The following CSMD3 variants were observed in gnomAD, a reference collection of about 807,000 sequenced individuals.
CSMD3 encodes the protein CUB and Sushi multiple domains 3.
A neutral mutation model predicts 435.2 loss-of-function variants in CSMD3; 177 were observed. That is an observed-to-expected ratio of 0.41 (90% confidence interval 0.36 to 0.46). CSMD3 has a LOEUF of 0.46. Ranked by LOEUF, CSMD3 falls within the 20% of genes least tolerant of loss-of-function variation. The pLI is 0.34. For missense variants in CSMD3, 4,265 were observed against 4,504.6 expected, an observed-to-expected ratio of 0.95 and a Z score of 1.52; for synonymous variants, 1,656 against 1,520.5, an observed-to-expected ratio of 1.09 and a Z score of -2.07.
chr8:112,315,943 T>C (rs1207975527), intron 47 of CSMD3, among the ~76,000 whole-genome samples: 2 of 151,786 alleles, frequency 1.3e-5, no homozygotes, highest in East Asian at 3.9e-4. Context: ...TGGAATATAA[T>C]AAATAGATGA....
intron 5 of CSMD3, among the ~76,000 whole-genome samples, chr8:113,075,193 C>T (rs554668560): frequency 1.3e-5 from 2 of 151,558 alleles, no homozygotes; most frequent in African/African-American, 2.4e-5. Flanking sequence ...ATAGAAATCT[C>T]GTATTAAAAA....
chr8:113,260,939 G>GT (rs1200724389), intron 3 of CSMD3, among the ~76,000 whole-genome samples: 1 of 152,130 alleles, frequency 6.6e-6, no homozygotes, highest in Admixed American at 6.6e-5. Flanking sequence ...ATTCCATGGT[G>GT]TATATGTGCC....
intron 10 of CSMD3, among the ~76,000 whole-genome samples, chr8:112,860,391 A>T (rs1288967153): frequency 6.6e-6 from 1 of 151,792 alleles, no homozygotes; most frequent in Non-Finnish European, 1.5e-5. Context: ...AACCAATAAA[A>T]TCATATTATT....
At chr8:112,312,347 C>T (rs1041582969) in intron 49 of CSMD3, among the ~76,000 whole-genome samples, 3 of 152,020 alleles carry the variant, frequency 2.0e-5, no homozygotes, top group Admixed American at 1.3e-4. Context: ...GCCCACCTCC[C>T]GGGTTCAAGT....
At chr8:112,971,202 T>C (rs529203145) in intron 7 of CSMD3, among the ~76,000 whole-genome samples, 6 of 152,328 alleles carry the variant, frequency 3.9e-5, no homozygotes, top group South Asian at 2.1e-4. Flanking sequence ...CTCTATGGCA[T>C]TGATTGTATT....
At chr8:112,958,706 T>C (rs2130853449) in intron 7 of CSMD3, among the ~76,000 whole-genome samples, 1 of 152,354 alleles carries the variant, frequency 6.6e-6, no homozygotes, top group African/African-American at 2.4e-5. Context: ...ATTAACCATA[T>C]ATTCACGCAT....
At chr8:112,757,091 T>C (rs2077719040) in intron 13 of CSMD3, among the ~76,000 whole-genome samples, 1 of 151,994 alleles carries the variant, frequency 6.6e-6, no homozygotes. Context: ...TTTGAGTTAC[T>C]TTTTGGAAAT....
intron 1 of CSMD3, among the ~76,000 whole-genome samples, chr8:113,400,113 C>A (rs530417617): frequency 6.6e-6 from 1 of 151,834 alleles, no homozygotes; most frequent in East Asian, 1.9e-4. Context: ...TATTAACTTT[C>A]CAGATTTAAA....
chr8:113,328,969 T>C (rs1054275877), intron 1 of CSMD3, among the ~76,000 whole-genome samples: 49 of 151,548 alleles, frequency 3.2e-4, no homozygotes, highest in African/African-American at 1.2e-3. Flanking sequence ...CTCAAATTCC[T>C]GGACTCAACT....
chr8:112,437,259 C>T (rs1332335612), intron 32 of CSMD3, among the ~76,000 whole-genome samples: 2 of 151,886 alleles, frequency 1.3e-5, no homozygotes, highest in Non-Finnish European at 2.9e-5. Context: ...CCAACATGTT[C>T]CACATGTTTC....
At position 112,595,745 on chromosome 8, in the gene CSMD3, A is replaced by T. The variant is rs1313476090; in HGVS notation, c.3716-8510T>A. On this transcript the variant is annotated intron_variant, in intron 22 of 70. Coordinates refer to ENST00000297405, the MANE Select transcript of CSMD3 (RefSeq NM_198123.2). ...TAAAGACAAGAATTTTCAACCCAGA[A>T]TTTCATATCCAGCCAAACTAAGCTT... Among the ~76,000 whole-genome samples the T allele has an allele frequency of 2.1e-5, 2 of 94,254 alleles. 1 individual carries two copies. Among genetic ancestry groups the T allele is most frequent in the East Asian group, 5.2e-4 (2 of 3,860 alleles). 61.8% of individuals were successfully genotyped at this position (94,254 alleles called of 152,430 possible). A position where few individuals can be genotyped will look rare whatever the true frequency, so the allele number is the denominator to read the frequency against.
At chr8:112,473,195 C>G (rs1818698708) in intron 31 of CSMD3, among the ~76,000 whole-genome samples, 1 of 152,074 alleles carries the variant, frequency 6.6e-6, no homozygotes, top group Non-Finnish European at 1.5e-5. Flanking sequence ...ATATAATTTA[C>G]TTTGAAATCA....
chr8:113,081,997 A>G (rs7817385), intron 5 of CSMD3, among the ~76,000 whole-genome samples: 102,181 of 152,012 alleles, frequency 0.67, 35,959 homozygotes, highest in East Asian at 0.95. Context: ...CCCTCTGGGG[A>G]TCTGAGAACT....
At chr8:113,334,253 T>C (rs2094051178) in intron 1 of CSMD3, among the ~76,000 whole-genome samples, 1 of 150,058 alleles carries the variant, frequency 6.7e-6, no homozygotes. Flanking sequence ...CCACTTACAA[T>C]ATCTGCAACT....
At chr8:112,279,141 ATAGT>A in intron 59 of CSMD3, among the ~76,000 whole-genome samples, 1 of 152,334 alleles carries the variant, frequency 6.6e-6, no homozygotes, top group East Asian at 1.9e-4. Flanking sequence ...TTTTTCTAAA[ATAGT>A]TATTCAACAG....
intron 12 of CSMD3, among the ~76,000 whole-genome samples, chr8:112,827,025 A>AT (rs919756092): frequency 1.2e-4 from 18 of 150,662 alleles, no homozygotes; most frequent in South Asian, 1.0e-3. Context: ...TCAAACACAC[A>AT]TTTTTTTTAA....
intron 10 of CSMD3, among the ~76,000 whole-genome samples, chr8:112,868,892 T>C (rs1181162122): frequency 6.7e-6 from 1 of 148,704 alleles, no homozygotes; most frequent in African/African-American, 2.5e-5. Flanking sequence ...AAATGTAGGA[T>C]ATGAATCCAT....
intron 45 of CSMD3, 53 bp from the exon 46 acceptor site, chr8:112,320,034 A>C: frequency 8.7e-7 from 1 of 1,151,250 alleles, no homozygotes; most frequent in Non-Finnish European, 1.3e-6. Context: ...ACATGTATTC[A>C]CATATGCAAA....
At chr8:112,415,818 A>C (rs918762113) in intron 32 of CSMD3, among the ~76,000 whole-genome samples, 2 of 152,172 alleles carry the variant, frequency 1.3e-5, no homozygotes, top group African/African-American at 4.8e-5. Flanking sequence ...TGACTGCTCT[A>C]TTGGATTTTG....
Sources: gnomAD v4.1 joint callset for allele counts (sites outside exome capture counted in the v4.1 genomes callset) on GRCh38, gnomAD v4.1.1 for gene constraint, MANE v1.5 for transcripts, NCBI Gene and HGNC (gene_info 2026-07-23, HGNC 2026-07-21) for gene names.